ANO1: variants seen among roughly 807,000 people sequenced by gnomAD.
The protein encoded by ANO1 is anoctamin 1.
Under a neutral mutation model 124.0 loss-of-function variants are expected in ANO1, and 59 were observed. That is an observed-to-expected ratio of 0.48 (90% CI 0.39 to 0.59). ANO1 has a LOEUF of 0.59. ANO1 is among the 20% of genes least tolerant of loss of function. The probability of loss-of-function intolerance (pLI) is 0.00; values close to 1 mark genes in which losing one functional copy is unlikely to be tolerated. For synonymous variants in ANO1, 529 were observed against 532.0 expected (o/e 0.99, Z 0.08); for missense variants, 1,059 against 1,328.0 (o/e 0.80, Z 3.15).
chr11:70,157,847 G>C (rs982144762), intron 16 of ANO1, among the ~76,000 whole-genome samples: 1 of 152,068 alleles, frequency 6.6e-6, no homozygotes, highest in East Asian at 1.9e-4. Context: ...TGGCGTGGTC[G>C]TGCGCGCCTG....
intron 8 of ANO1, among the ~76,000 whole-genome samples, chr11:70,121,146 C>T (rs1360481268): frequency 6.6e-6 from 1 of 151,848 alleles, no homozygotes; most frequent in African/African-American, 2.4e-5. Context: ...GAGCTTTGTC[C>T]TTTCTCACTG....
chr11:70,076,113 G>A (rs1555009977), upstream of ANO1, among the ~76,000 whole-genome samples: 4 of 152,224 alleles, frequency 2.6e-5, no homozygotes, highest in Non-Finnish European at 5.9e-5. Context: ...CTTGGGGAAG[G>A]GGCGAGAGGA....
intron 23 of ANO1, among the ~76,000 whole-genome samples, chr11:70,180,988 G>A (rs1428458392): frequency 1.3e-5 from 2 of 152,014 alleles, no homozygotes; most frequent in Non-Finnish European, 2.9e-5. Flanking sequence ...AGGATGGCCC[G>A]GCCCTCAGCC....
At chr11:70,167,462 C>T (rs2048300344) in intron 21 of ANO1, 75 bp downstream of exon 21, 1 of 1,524,642 alleles carries the variant, frequency 6.6e-7, no homozygotes, top group South Asian at 1.3e-5. Flanking sequence ...TGGGGAAGGG[C>T]TGCAGGGGCA....
chr11:69,971,823 G>A, the ANO1 span, among the ~76,000 whole-genome samples: 5 of 152,214 alleles, frequency 3.3e-5, no homozygotes, highest in South Asian at 4.2e-4. Context: ...CACGACTGCC[G>A]GAAAGGTGAC....
At chr11:70,164,258 G>A (rs4444108) in intron 19 of ANO1, among the ~76,000 whole-genome samples, 15,113 of 152,218 alleles carry the variant, frequency 0.099, 911 homozygotes, top group Middle Eastern at 0.18. Flanking sequence ...GAAAATAAGA[G>A]GGTGAGTCTT....
At chr11:69,970,121 C>A in the ANO1 span, among the ~76,000 whole-genome samples, 1 of 152,076 alleles carries the variant, frequency 6.6e-6, no homozygotes, top group East Asian at 1.9e-4. Context: ...AGAATCCCTG[C>A]TAACAGGAAA....
upstream of ANO1, among the ~76,000 whole-genome samples, chr11:69,984,283 T>G (rs573610941): frequency 6.6e-6 from 1 of 151,802 alleles, no homozygotes; most frequent in Non-Finnish European, 1.5e-5. Context: ...GGGGCACACG[T>G]CCCGGGGCTT....
intron 1 of ANO1, among the ~76,000 whole-genome samples, chr11:69,999,308 CACTT>C (rs1393015017): frequency 6.6e-6 from 1 of 152,088 alleles, no homozygotes; most frequent in Non-Finnish European, 1.5e-5. Flanking sequence ...CATGAGAACT[CACTT>C]ACTCTCATGA....
Position 70,187,776 on chromosome 11 carries a change from C to A in ANO1, c.2733C>A (p.Val911=). Residue 911 remains valine, a synonymous_variant, in exon 26 of 26, where the codon GTC becomes GTA. Coordinates refer to ENST00000355303, the MANE Select transcript of ANO1 (RefSeq NM_018043.7). The part of the protein sequence containing the change: ...VMFMSDFVDW[V]IPDIPKDISQ... The stretch of plus-strand genomic sequence containing the variant: ...TCATGAGCGACTTTGTGGACTGGGT[C>A]ATCCCGGACATCCCCAAGGACATCA... 1 of 1,609,258 alleles carries A rather than the reference C, an allele frequency of 6.2e-7. No homozygotes were observed. Among genetic ancestry groups the A allele is most frequent in the South Asian group, 1.1e-5 (1 of 89,564 alleles).
At chr11:70,165,365 G>T in intron 19 of ANO1, 105 bp from the exon 20 acceptor site, 2 of 916,122 alleles carry the variant, frequency 2.2e-6, no homozygotes, top group Non-Finnish European at 3.4e-6. Context: ...GTCTTTTTTT[G>T]GAGGACGCAG....
intron 25 of ANO1, among the ~76,000 whole-genome samples, chr11:70,186,643 G>A (rs999118159): frequency 6.6e-6 from 1 of 152,174 alleles, no homozygotes; most frequent in African/African-American, 2.4e-5. Context: ...CTGTGCACCG[G>A]CAGCTGAGGT....
intron 25 of ANO1, among the ~76,000 whole-genome samples, chr11:70,186,394 G>T (rs1436213022): frequency 6.7e-6 from 1 of 148,842 alleles, no homozygotes; most frequent in Non-Finnish European, 1.5e-5. Flanking sequence ...AAGGAAGGAA[G>T]GAAGAAAGAC....
rs1856463819 is a variant in ANO1 at position 70,005,164 on chromosome 11, C to T, written c.58+18998C>T. Among the ~76,000 whole-genome samples the T allele has an allele frequency of 2.6e-5, 4 of 151,116 alleles. No individual in the cohort carries two copies. In the South Asian group the frequency reaches 6.3e-4, roughly 24 times the overall value. On this transcript the variant is annotated intron_variant, in intron 1 of 27. Transcript: ENST00000531349. ...AAACATTCTTATCATGGGTGCATTACAAATGTCACCACTGGCTACTGAACA... is the reference window on the plus strand; with the variant it reads ...AAACATTCTTATCATGGGTGCATTATAAATGTCACCACTGGCTACTGAACA...
chr11:70,002,736 C>A (rs567532630), intron 1 of ANO1, among the ~76,000 whole-genome samples: 3 of 152,166 alleles, frequency 2.0e-5, no homozygotes, highest in African/African-American at 7.2e-5. Flanking sequence ...CAGGAAACAG[C>A]TTTAAAGAAG....
chr11:70,128,986 G>C (rs530929026), intron 10 of ANO1, among the ~76,000 whole-genome samples: 1 of 152,212 alleles, frequency 6.6e-6, no homozygotes, highest in Admixed American at 6.5e-5. Context: ...GGTGGTCACT[G>C]TGGCCTGGGC....
intron 22 of ANO1, among the ~76,000 whole-genome samples, chr11:70,177,601 T>TTTTC (rs2048765363): frequency 7.5e-6 from 1 of 133,080 alleles, no homozygotes; most frequent in African/African-American, 2.9e-5. Flanking sequence ...TTTCTTTTTT[T>TTTTC]TTTTTTTTTT....
chr11:70,030,061 G>A, intron 1 of ANO1, among the ~76,000 whole-genome samples: 1 of 152,224 alleles, frequency 6.6e-6, no homozygotes, highest in East Asian at 1.9e-4. Context: ...GGGGTGGGGA[G>A]GGTACCTTTG....
intron 1 of ANO1, among the ~76,000 whole-genome samples, chr11:70,053,514 T>C (rs972288146): frequency 2.6e-5 from 4 of 152,234 alleles, no homozygotes; most frequent in Admixed American, 6.5e-5. Flanking sequence ...TGGGTTTTTT[T>C]CTCCTTTATT....
Sources: allele counts gnomAD v4.1 joint callset (sites outside exome capture counted in the v4.1 genomes callset), GRCh38; gene constraint gnomAD v4.1.1; transcripts MANE v1.5; gene names NCBI Gene and HGNC (gene_info 2026-07-23, HGNC 2026-07-21).